The following RUVBL1 variants were observed in gnomAD, a reference collection of about 807,000 sequenced individuals.
RUVBL1 encodes ruvB-like 1.
Under a neutral mutation model 52.4 loss-of-function variants are expected in RUVBL1, and 4 were observed. The observed-to-expected ratio is 0.08, with a 90% CI of 0.04 to 0.17. The LOEUF is 0.17. RUVBL1 is among the 10% of genes least tolerant of loss of function. The probability of loss-of-function intolerance (pLI) is 1.00; values close to 1 mark genes in which losing one functional copy is unlikely to be tolerated. For synonymous variants in RUVBL1, 217 were observed against 214.4 expected, an observed-to-expected ratio of 1.01 and a Z score of -0.10; for missense variants, 298 against 572.8, an observed-to-expected ratio of 0.52 and a Z score of 4.90.
downstream of RUVBL1, among the ~76,000 whole-genome samples, chr3:128,079,470 C>A (rs753297101): frequency 6.6e-6 from 1 of 152,234 alleles, no homozygotes; most frequent in Non-Finnish European, 1.5e-5. Flanking sequence ...ACTGTGAAGG[C>A]AACATGGAAC....
intron 1 of RUVBL1, among the ~76,000 whole-genome samples, chr3:128,123,227 CT>C (rs2107721917): frequency 6.6e-6 from 1 of 152,312 alleles, no homozygotes; most frequent in East Asian, 1.9e-4. Flanking sequence ...TTTATCGTCT[CT>C]CACTACACTA....
chr3:128,093,343 G>C (rs1032314348), intron 8 of RUVBL1, among the ~76,000 whole-genome samples: 23 of 152,192 alleles, frequency 1.5e-4, no homozygotes, highest in African/African-American at 5.5e-4. Context: ...GGGTGCAGAA[G>C]GGGACGATGA....
At chr3:128,073,687 A>G (rs1942233797) in intron 9 of RUVBL1, among the ~76,000 whole-genome samples, 1 of 152,194 alleles carries the variant, frequency 6.6e-6, no homozygotes. Context: ...GGGAAATGGA[A>G]CAGAAGGTGC....
intron 9 of RUVBL1, chr3:128,069,707 C>T (rs1444185343): frequency 5.1e-6 from 8 of 1,563,926 alleles, no homozygotes; most frequent in East Asian, 2.2e-5. Context: ...AGAAGCGCCT[C>T]GGAAGGGGAG....
intron 1 of RUVBL1, among the ~76,000 whole-genome samples, chr3:128,122,860 A>G (rs1018480704): frequency 5.3e-5 from 8 of 152,232 alleles, no homozygotes; most frequent in African/African-American, 1.9e-4. Context: ...ATATACGTGA[A>G]GTGCCCTCTC....
At chr3:128,091,741 A>G (rs1942846476) in intron 8 of RUVBL1, among the ~76,000 whole-genome samples, 1 of 152,154 alleles carries the variant, frequency 6.6e-6, no homozygotes, top group African/African-American at 2.4e-5. Context: ...GGGCTGTCCT[A>G]TGCACTCCAG....
intron 2 of RUVBL1, among the ~76,000 whole-genome samples, chr3:128,113,360 T>C (rs763905804): frequency 1.3e-5 from 2 of 152,182 alleles, no homozygotes; most frequent in Non-Finnish European, 2.9e-5. Flanking sequence ...CATTAAGTAA[T>C]GCAACGTAAG....
chr3:128,135,134 A>G (rs181470921), intron 1 of RUVBL1, among the ~76,000 whole-genome samples: 1 of 152,380 alleles, frequency 6.6e-6, no homozygotes, highest in Non-Finnish European at 1.5e-5. Context: ...AAAAGCAGCA[A>G]GAGAAAAGAA....
rs1378188924 is a variant in RUVBL1 at position 128,150,920 on chromosome 3, A to C, written c.-40+2283T>G. On this transcript the variant is annotated intron_variant, in intron 1 of 9. Transcript: ENST00000464873. ...TATATATAATATAATATTCTATATT[A>C]TATATATAATATATTCTATATATTA... Among the ~76,000 whole-genome samples the C allele has an allele frequency of 6.3e-4, 30 of 47,696 alleles. 1 individual carries two copies. Among genetic ancestry groups the C allele is most frequent in the South Asian group, 4.1e-3 (6 of 1,464 alleles). The allele number at this position is 47,696 out of a possible 152,430, so 31.3% of individuals were successfully genotyped here.
At chr3:128,121,620 G>C (rs1283365359) in intron 1 of RUVBL1, among the ~76,000 whole-genome samples, 2 of 148,862 alleles carry the variant, frequency 1.3e-5, no homozygotes, top group Non-Finnish European at 3.0e-5. Flanking sequence ...TGAGGCAGGA[G>C]AATCGCTTGA....
chr3:128,123,922 C>T (rs552108290), upstream of RUVBL1: 9 of 1,241,126 alleles, frequency 7.3e-6, no homozygotes, highest in African/African-American at 1.4e-4. Flanking sequence ...TGCTAGAGCT[C>T]CGGTCACCCA....
At chr3:128,105,993 C>A (rs1943226492) in intron 3 of RUVBL1, among the ~76,000 whole-genome samples, 1 of 151,918 alleles carries the variant, frequency 6.6e-6, no homozygotes, top group South Asian at 2.1e-4. Context: ...CCTCAGCCTC[C>A]CAAGTAGCTG....
At chr3:128,123,493 G>C in intron 1 of RUVBL1, 91 bp downstream of exon 1, 1 of 1,319,842 alleles carries the variant, frequency 7.6e-7, no homozygotes, top group Non-Finnish European at 9.9e-7. Context: ...CCCCTGGCGC[G>C]CGCATCCCGC....
In RUVBL1 at chr3:128,131,515, A is replaced by ACAAG. The variant is rs543502880; in HGVS notation, c.-39-12102_-39-12101insCTTG. 1.5e-4 allele frequency among the ~76,000 whole-genome samples: 22 copies of ACAAG among 148,156 alleles called. No homozygotes were observed. In the South Asian group the frequency reaches 4.7e-3, roughly 32 times the overall value. ...AAAACAAACAAACAAACACTGTAAAACAAACCAACAACAACAACAAAAAAA... is the reference window on the plus strand; with the variant it reads ...AAAACAAACAAACAAACACTGTAAAACAAGCAAACCAACAACAACAACAAAAAAA... On this transcript the variant is annotated intron_variant, in intron 1 of 9. Transcript: ENST00000464873.
In RUVBL1 at chr3:128,137,367, C is replaced by T. The variant is rs149568952; in HGVS notation, c.-40+15836G>A. ...ACAGATGAAAAGGGAGACATTACAA[C>T]TGATGCCACAGAAATTCAAAGGATC... is the stretch of plus-strand genomic sequence containing the variant. On this transcript the variant is annotated intron_variant, in intron 1 of 9. Coordinates refer to the RUVBL1 transcript ENST00000464873. 4.5e-3 allele frequency among the ~76,000 whole-genome samples: 690 copies of T among 152,206 alleles called. 4 individuals are homozygous for T. The highest frequency in any genetic ancestry group is 0.015 in the African/African-American group (608 of 41,558).
At chr3:128,073,433 G>A (rs943880995) in intron 9 of RUVBL1, among the ~76,000 whole-genome samples, 1 of 152,206 alleles carries the variant, frequency 6.6e-6, no homozygotes, top group Non-Finnish European at 1.5e-5. Flanking sequence ...CATTTCTGAG[G>A]GGTCTGAGCC....
chr3:128,119,518 A>C, intron 1 of RUVBL1, 104 bp from the exon 2 acceptor site: 2 of 850,978 alleles, frequency 2.4e-6, no homozygotes, highest in South Asian at 1.6e-5. Flanking sequence ...CATCCAACTA[A>C]CACTGAGTGC....
intron 1 of RUVBL1, among the ~76,000 whole-genome samples, chr3:128,150,918 TTA>T (rs71873039): frequency 0.12 from 9,867 of 83,398 alleles, 1,170 homozygotes; most frequent in Middle Eastern, 0.15. Flanking sequence ...ATATTCTATA[TTA>T]TATATATAAT....
chr3:128,121,566 C>A (rs1431452273), intron 1 of RUVBL1, among the ~76,000 whole-genome samples: 1 of 151,280 alleles, frequency 6.6e-6, no homozygotes, highest in East Asian at 2.0e-4. Context: ...AAAAATTAGC[C>A]GAGCGTGGTG....
Sources: allele counts gnomAD v4.1 joint callset (sites outside exome capture counted in the v4.1 genomes callset), GRCh38; gene constraint gnomAD v4.1.1; transcripts MANE v1.5; gene names NCBI Gene and HGNC (gene_info 2026-07-23, HGNC 2026-07-21).